MGRN1: variants seen among roughly 807,000 people sequenced by gnomAD.
The protein encoded by MGRN1 is E3 ubiquitin-protein ligase MGRN1.
In MGRN1, 29 loss-of-function variants were observed where a neutral mutation model predicts 69.2. That is an observed-to-expected ratio of 0.42 (90% CI 0.31 to 0.57). MGRN1 has a LOEUF of 0.57. Among genes scored for constraint, MGRN1 ranks in the 20% least tolerant of loss-of-function variants. The probability of loss-of-function intolerance (pLI) is 0.15; values close to 1 mark genes in which losing one functional copy is unlikely to be tolerated. For synonymous variants in MGRN1, 470 were observed against 344.2 expected (o/e 1.37, Z -4.04); for missense variants, 998 against 796.2 (o/e 1.25, Z -3.05).
At chr16:4,674,357 C>T (rs761678660) in intron 10 of MGRN1, among the ~76,000 whole-genome samples, 2 of 151,734 alleles carry the variant, frequency 1.3e-5, no homozygotes, top group Admixed American at 1.3e-4. Flanking sequence ...GTTGCAGTCT[C>T]GGCTCACTGC....
intron 1 of MGRN1, among the ~76,000 whole-genome samples, chr16:4,629,150 A>G (rs200468994): frequency 0.034 from 4,330 of 127,686 alleles, 89 homozygotes; most frequent in South Asian, 0.044. Context: ...TTCTGTTCGT[A>G]TGTGTGTGTG....
chr16:4,637,949 C>A (rs1449675919), intron 1 of MGRN1, among the ~76,000 whole-genome samples: 1 of 152,238 alleles, frequency 6.6e-6, no homozygotes, highest in Non-Finnish European at 1.5e-5. Context: ...TATGCCCCCT[C>A]CGTGCCCCAG....
At chr16:4,650,074 G>A (rs934243478) in intron 1 of MGRN1, 2 of 228,610 alleles carry the variant, frequency 8.7e-6, no homozygotes, top group Non-Finnish European at 1.7e-5. Flanking sequence ...AGGCTGAGGC[G>A]GGCGGATTAC....
chr16:4,663,707 C>T (rs1465873978), intron 5 of MGRN1, among the ~76,000 whole-genome samples: 1 of 152,054 alleles, frequency 6.6e-6, no homozygotes, highest in African/African-American at 2.4e-5. Context: ...AGCCCAGGGG[C>T]GAAGTGCTTC....
intron 3 of MGRN1, 134 bp downstream of exon 3, chr16:4,652,185 A>G: frequency 1.3e-6 from 1 of 799,598 alleles, no homozygotes; most frequent in Non-Finnish European, 2.0e-6. Context: ...GTGGAATGAG[A>G]GGCTGTCCTG....
intron 5 of MGRN1, 55 bp from the exon 6 acceptor site, chr16:4,664,654 G>A (rs2078757768): frequency 1.3e-6 from 2 of 1,588,842 alleles, no homozygotes; most frequent in Admixed American, 1.7e-5. Context: ...ACCGACTCCA[G>A]GCTTCCAGGC....
intron 1 of MGRN1, among the ~76,000 whole-genome samples, chr16:4,631,090 G>C (rs1342301835): frequency 6.6e-6 from 1 of 152,126 alleles, no homozygotes; most frequent in African/African-American, 2.4e-5. Context: ...CCAGAGTGCT[G>C]GGATTACAGG....
At position 4,630,088 on chromosome 16, in the gene MGRN1, G is replaced by A. The variant is rs9933655; in HGVS notation, c.88+5040G>A. 7.7e-3 allele frequency among the ~76,000 whole-genome samples: 1,111 copies of A among 145,084 alleles called. 18 individuals carry two copies. The highest frequency in any genetic ancestry group is 0.027 in the African/African-American group (1,064 of 38,940). ...AAAAAAAGCGCAGGTGCAGTGGCTC[G>A]CGCCTGTAATCCTAGCACTTTGGGA... On this transcript the variant is annotated intron_variant, in intron 1 of 16. Transcript: ENST00000262370.
chr16:4,677,372 G>GT (rs1227712506), intron 10 of MGRN1, 91 bp from the exon 11 acceptor site: 2 of 973,566 alleles, frequency 2.1e-6, no homozygotes, highest in East Asian at 2.9e-5. Flanking sequence ...CCCCTATGGT[G>GT]TGGGGGGGGT....
At chr16:4,671,731 T>C (rs547487348) in intron 9 of MGRN1, among the ~76,000 whole-genome samples, 1 of 152,198 alleles carries the variant, frequency 6.6e-6, no homozygotes, top group Non-Finnish European at 1.5e-5. Flanking sequence ...CCCTCTAGGC[T>C]CAGGTGTGTG....
At position 4,689,010 on chromosome 16, in the gene MGRN1, C is replaced by T. The variant is rs1341243548; in HGVS notation, c.*102C>T. The T allele has an allele frequency of 2.8e-6, 4 of 1,413,208 alleles. No homozygotes were observed. Among genetic ancestry groups the T allele is most frequent in the South Asian group, 1.5e-5 (1 of 68,962 alleles). The allele number at this position is 1,413,208 out of a possible 1,614,324, so 87.5% of individuals were successfully genotyped here. A position where few individuals can be genotyped will look rare whatever the true frequency, so the allele number is the denominator to read the frequency against. ...AGCCGGCCTCCTGTCTGCATGCCCC[C>T]TGTGGCCACCAGGCTCCGAGGGGCC... On this transcript the variant is annotated 3_prime_UTR_variant, in exon 17 of 17. Coordinates refer to ENST00000262370, the MANE Select transcript of MGRN1 (RefSeq NM_015246.4).
chr16:4,677,280 T>A (rs543542390), intron 10 of MGRN1, 183 bp from the exon 11 acceptor site: 9 of 449,942 alleles, frequency 2.0e-5, no homozygotes, highest in African/African-American at 1.6e-4. Context: ...CCCCCATCTT[T>A]CCTGCCTATT....
chr16:4,686,167 G>A (rs1306935743), intron 16 of MGRN1: 12 of 1,442,252 alleles, frequency 8.3e-6, no homozygotes, highest in Middle Eastern at 1.7e-4. Context: ...GGCCTCGACC[G>A]TGTCCCCAAG....
chr16:4,626,774 G>A (rs564464549), intron 1 of MGRN1, among the ~76,000 whole-genome samples: 1 of 152,152 alleles, frequency 6.6e-6, no homozygotes, highest in Non-Finnish European at 1.5e-5. Flanking sequence ...CTAATCACTC[G>A]TGGCCCTCCC....
intron 10 of MGRN1, 87 bp from the exon 11 acceptor site, chr16:4,677,376 G>A (rs1367114465): frequency 2.0e-6 from 2 of 1,003,362 alleles, no homozygotes; most frequent in Non-Finnish European, 2.8e-6. Flanking sequence ...TATGGTGTGG[G>A]GGGGGTGTTG....
At position 4,628,454 on chromosome 16, in the gene MGRN1, A is replaced by G. The variant is rs1284771284; in HGVS notation, c.88+3406A>G. ...CAAAAAAAAGAATTGTGCAGTCATC[A>G]CCACAATTGCAGACATTTCCCTTGT... On this transcript the variant is annotated intron_variant, in intron 1 of 16. Transcript: ENST00000262370. Among the ~76,000 whole-genome samples the G allele has an allele frequency of 2.0e-5, 3 of 151,364 alleles. No homozygotes were observed. The East Asian group carries it at 5.8e-4, about 29-fold the overall frequency.
chr16:4,681,975 G>A (rs77075573), intron 13 of MGRN1, among the ~76,000 whole-genome samples, 199 bp downstream of exon 13: 2,475 of 152,372 alleles, frequency 0.016, 34 homozygotes, highest in Non-Finnish European at 0.025. Context: ...CAGGAAGAGC[G>A]TCCGGGCAGC....
At chr16:4,644,434 C>A (rs974569524) in intron 1 of MGRN1, among the ~76,000 whole-genome samples, 33 of 151,946 alleles carry the variant, frequency 2.2e-4, no homozygotes, top group African/African-American at 7.5e-4. Flanking sequence ...CCTCAGCCTC[C>A]CAAGTAGCTG....
rs201280703 is a variant in MGRN1, at chr16:4,682,877, C to T, written c.1413C>T (p.Ser471=). Residue 471 remains serine (S), a synonymous_variant, in exon 14 of 17, where the codon TCC becomes TCT. Transcript: ENST00000262370. ...PIHEEDEEKL[S]EDVDAPPPLG... is the part of the protein sequence containing the mutation. ...ACGAAGAGGATGAGGAGAAGCTCTC[C>T]GAGGACGTGGACGCCCCTCCCCCAC... 48 of 1,610,140 alleles carry T rather than the reference C, an allele frequency of 3.0e-5. 1 individual carries two copies. Among genetic ancestry groups the T allele is most frequent in the Middle Eastern group, 3.3e-4 (2 of 6,020 alleles).
Sources: allele counts gnomAD v4.1 joint callset (sites outside exome capture counted in the v4.1 genomes callset), GRCh38; gene constraint gnomAD v4.1.1; transcripts MANE v1.5; gene names NCBI Gene and HGNC (gene_info 2026-07-23, HGNC 2026-07-21).